The following SRRM3 variants were observed in gnomAD, a reference collection of about 807,000 sequenced individuals.
The protein encoded by SRRM3 is serine/arginine repetitive matrix 3.
Under a neutral mutation model 66.2 loss-of-function variants are expected in SRRM3, and 27 were observed. The observed-to-expected ratio is 0.41, with a 90% CI of 0.30 to 0.56. The LOEUF (loss-of-function observed/expected upper bound fraction) is 0.56, where lower values mean the gene tolerates loss of function less well. SRRM3 is among the 20% of genes least tolerant of loss of function. SRRM3 has a pLI of 0.32. For missense variants in SRRM3, 918 were observed against 991.9 expected, an observed-to-expected ratio of 0.93 and a Z score of 1.00; for synonymous variants, 391 against 414.9, an observed-to-expected ratio of 0.94 and a Z score of 0.70.
intron 11 of SRRM3, among the ~76,000 whole-genome samples, chr7:76,275,123 A>G (rs1802310964): frequency 6.7e-6 from 1 of 149,600 alleles, no homozygotes; most frequent in African/African-American, 2.5e-5. Flanking sequence ...AAAAAAAAAG[A>G]AAAAGAAAAA....
intron 1 of SRRM3, among the ~76,000 whole-genome samples, chr7:76,214,754 C>T (rs1388056938): frequency 6.6e-6 from 1 of 151,870 alleles, no homozygotes; most frequent in Non-Finnish European, 1.5e-5. Flanking sequence ...AGTGGGAAGA[C>T]TGAGAAACTT....
intron 1 of SRRM3, among the ~76,000 whole-genome samples, chr7:76,218,194 C>T (rs1427736298): frequency 1.3e-5 from 2 of 152,148 alleles, no homozygotes; most frequent in African/African-American, 2.4e-5. Flanking sequence ...CAGGCTTCTC[C>T]GATTTCACTG....
Position 76,285,008 on chromosome 7 carries a change from A to G in SRRM3, c.1734-607A>G, listed in dbSNP as rs1802620092. Among the ~76,000 whole-genome samples the G allele has an allele frequency of 6.6e-6, 1 of 152,194 alleles. No homozygotes were observed. ...GCAGGGCTGGGACGTAGTCACAGAC[A>G]CTTACACGCCAGCTTGGGTGATGGG... is the stretch of plus-strand genomic sequence containing the variant. On this transcript the variant is annotated intron_variant, in intron 14 of 14. Coordinates refer to ENST00000611745, the MANE Select transcript of SRRM3 (RefSeq NM_001110199.3). This position sits in a 1 kb window ranked among gnomAD's most constrained non-coding sequence, Gnocchi z 4.1.
chr7:76,211,353 G>C (rs1008200485), intron 1 of SRRM3, among the ~76,000 whole-genome samples: 6 of 151,632 alleles, frequency 4.0e-5, no homozygotes, highest in Non-Finnish European at 8.8e-5. Flanking sequence ...CAGCATGGCT[G>C]GAGTGCCAGG....
At position 76,261,538 on chromosome 7, in the gene SRRM3, C is replaced by A. The variant is rs782275619; in HGVS notation, c.639-8C>A. 20 of 1,611,432 alleles carry A rather than the reference C, an allele frequency of 1.2e-5. No homozygotes were observed. In the African/African-American group the frequency reaches 2.5e-4, roughly 20 times the overall value. ...CAGGCTCAAGAGAACTCCTTTATCG[C>A]CCTACAGGTCTGATTCTGGGTCCCG... On this transcript the variant is annotated splice_region_variant and splice_polypyrimidine_tract_variant and intron_variant, in intron 7 of 14. Coordinates refer to ENST00000611745, the MANE Select transcript of SRRM3 (RefSeq NM_001110199.3).
chr7:76,236,079 G>A (rs1245959842), intron 2 of SRRM3, among the ~76,000 whole-genome samples: 20 of 147,604 alleles, frequency 1.4e-4, no homozygotes, highest in African/African-American at 4.0e-4. Context: ...TTGGGAGGCC[G>A]AGGCGGGTGG....
At chr7:76,206,764 C>G (rs895237485) in intron 1 of SRRM3, among the ~76,000 whole-genome samples, 2 of 152,250 alleles carry the variant, frequency 1.3e-5, no homozygotes, top group African/African-American at 2.4e-5. Flanking sequence ...AAGCCTCTGG[C>G]CTGTCCTTCT....
chr7:76,216,261 G>A (rs1800568507), intron 1 of SRRM3, among the ~76,000 whole-genome samples: 1 of 149,870 alleles, frequency 6.7e-6, no homozygotes, highest in Non-Finnish European at 1.5e-5. Context: ...CCCCCATGCT[G>A]GTCTTGAACT....
At chr7:76,262,532 A>AAC (rs1305277140) in intron 8 of SRRM3, among the ~76,000 whole-genome samples, 3 of 151,216 alleles carry the variant, frequency 2.0e-5, no homozygotes, top group African/African-American at 4.9e-5. Context: ...AAAAAAAAAA[A>AAC]AAACAAAGTC....
rs781971681 is a variant in SRRM3 at position 76,285,554 on chromosome 7, C to T, written c.1734-61C>T. On this transcript the variant is annotated intron_variant, in intron 14 of 14. Transcript: ENST00000611745. This position sits in a 1 kb window ranked among gnomAD's most constrained non-coding sequence, Gnocchi z 4.1. Reference sequence around the variant, plus strand: ...GGAAACTGAGGCAGGAAGCCCTGGCCGCTGCTGGGATGGGGCTCGGGGCCT... The same window carrying T: ...GGAAACTGAGGCAGGAAGCCCTGGCTGCTGCTGGGATGGGGCTCGGGGCCT... 2.3e-5 allele frequency: 32 copies of T among 1,412,728 alleles called. No homozygotes were observed. Among genetic ancestry groups the T allele is most frequent in the Non-Finnish European group, 2.1e-5 (22 of 1,036,776 alleles). The allele number at this position is 1,412,728 out of a possible 1,614,324, so 87.5% of individuals were successfully genotyped here.
chr7:76,264,402 G>C (rs1427050147), intron 8 of SRRM3, among the ~76,000 whole-genome samples: 3 of 152,120 alleles, frequency 2.0e-5, no homozygotes, highest in Non-Finnish European at 2.9e-5. Flanking sequence ...CTGACTTCAA[G>C]TGATCCACTG....
At chr7:76,270,408 G>A (rs1802179781) in intron 11 of SRRM3, among the ~76,000 whole-genome samples, 1 of 152,164 alleles carries the variant, frequency 6.6e-6, no homozygotes, top group South Asian at 2.1e-4. Context: ...GGGCACAGTG[G>A]CTCACACCTG....
At chr7:76,226,820 G>C (rs1800876122) in intron 1 of SRRM3, among the ~76,000 whole-genome samples, 2 of 151,884 alleles carry the variant, frequency 1.3e-5, no homozygotes, top group Admixed American at 6.6e-5. Context: ...CAAACTCCTG[G>C]CCTCAGGTGA....
At chr7:76,230,932 G>A (rs1800999785) in intron 1 of SRRM3, among the ~76,000 whole-genome samples, 1 of 151,872 alleles carries the variant, frequency 6.6e-6, no homozygotes, top group South Asian at 2.1e-4. Context: ...TGTATTTTTA[G>A]TAGAGACGGG....
At position 76,267,341 on chromosome 7, in the gene SRRM3, G is replaced by A; in HGVS notation, c.914G>A (p.Gly305Asp). ...AGCCGGTCGCCTTCCCCGTCGGGCG[G>A]CAGCGGATGGGGGTCGCCCCAGCGG... ...SGSRSPSPSGGSGWGSPQRNG... is the reference protein window; with the variant it reads ...SGSRSPSPSGDSGWGSPQRNG... The change falls in exon 11 of 15, where the codon GGC (glycine) becomes GAC (aspartate). Residue 305 changes from glycine to aspartate, a missense_variant. Physicochemically the swap from Gly to Asp is moderately conservative, Grantham distance 94 (BLOSUM62 -1). Transcript: ENST00000611745. 7.2e-6 allele frequency: 11 copies of A among 1,529,762 alleles called. No homozygotes were observed. The highest frequency in any genetic ancestry group is 2.2e-5 in the Admixed American group (1 of 45,202). 94.8% of individuals were successfully genotyped at this position (1,529,762 alleles called of 1,614,324 possible). A position where few individuals can be genotyped will look rare whatever the true frequency, so the allele number is the denominator to read the frequency against.
intron 3 of SRRM3, among the ~76,000 whole-genome samples, chr7:76,251,150 C>G (rs1252110937): frequency 6.6e-6 from 1 of 152,068 alleles, no homozygotes; most frequent in Non-Finnish European, 1.5e-5. Context: ...GCGGTCAGCC[C>G]GACGCCCGTC....
At chr7:76,251,405 C>T (rs1482373343) in intron 3 of SRRM3, among the ~76,000 whole-genome samples, 43 of 149,086 alleles carry the variant, frequency 2.9e-4, no homozygotes, top group African/African-American at 1.2e-4. Flanking sequence ...GACGGAGTCT[C>T]GCTCTGTCAC....
chr7:76,215,267 G>C (rs557485582), intron 1 of SRRM3, among the ~76,000 whole-genome samples: 2 of 151,930 alleles, frequency 1.3e-5, no homozygotes, highest in Non-Finnish European at 2.9e-5. Context: ...CTACGTTTTG[G>C]GAAGAGAGAA....
chr7:76,251,044 G>C (rs1024582564), intron 3 of SRRM3, among the ~76,000 whole-genome samples: 1 of 152,154 alleles, frequency 6.6e-6, no homozygotes, highest in Admixed American at 6.5e-5. Context: ...TGTGTTCCTG[G>C]CTAATGGGAA....
Sources: allele counts gnomAD v4.1 joint callset (sites outside exome capture counted in the v4.1 genomes callset), GRCh38; gene constraint gnomAD v4.1.1; non-coding constraint Gnocchi (gnomAD v3.1); transcripts MANE v1.5; gene names NCBI Gene and HGNC (gene_info 2026-07-23, HGNC 2026-07-21).